Variants in SH3BP4 observed in about 807,000 individuals in gnomAD.
SH3BP4 encodes SH3 domain binding protein 4, also known as SH3 domain-binding protein 4.
Under a neutral mutation model 65.5 loss-of-function variants are expected in SH3BP4, and 33 were observed. The observed-to-expected ratio is 0.50, with a 90% CI of 0.38 to 0.67. The LOEUF (loss-of-function observed/expected upper bound fraction) is 0.67. Ranked by LOEUF, SH3BP4 falls within the 30% of genes least tolerant of loss-of-function variation. SH3BP4 has a pLI of 0.00. For synonymous variants in SH3BP4, 552 were observed against 545.5 expected (o/e 1.01, Z -0.17); for missense variants, 1,134 against 1,261.4 (o/e 0.90, Z 1.53).
chr2:235,053,473 AAG>A (rs1408269134), intron 5 of SH3BP4, 117 bp from the exon 6 acceptor site: 1 of 725,802 alleles, frequency 1.4e-6, no homozygotes, highest in African/African-American at 1.8e-5. Context: ...TCACTCGTGA[AAG>A]AGTGTCCCAA....
intron 1 of SH3BP4, among the ~76,000 whole-genome samples, chr2:234,989,685 C>T (rs1693690224): frequency 6.6e-6 from 1 of 152,190 alleles, no homozygotes; most frequent in South Asian, 2.1e-4. Context: ...GGGCTCTGTG[C>T]AACTTAGGTA....
At position 235,053,762 on chromosome 2, in the gene SH3BP4, C is replaced by A; in HGVS notation, c.2838C>A (p.Asp946Glu). 1 of 1,614,256 alleles carries A rather than the reference C, an allele frequency of 6.2e-7. No homozygotes were observed. Among genetic ancestry groups the A allele is most frequent in the Non-Finnish European group, 8.5e-7 (1 of 1,180,052 alleles). Reference sequence around the variant, plus strand: ...CTCTGATCTTGGTGAACTCCCTGGACGTTCTGAGAGCAGCCGCCTTCAGCC... The same window carrying A: ...CTCTGATCTTGGTGAACTCCCTGGAAGTTCTGAGAGCAGCCGCCTTCAGCC... ...TGTLILVNSLDVLRAAAFSPA... is the reference protein window; with the variant it reads ...TGTLILVNSLEVLRAAAFSPA... Residue 946 changes from aspartate to glutamate, a missense_variant, in exon 6 of 6, where the codon GAC becomes GAA. Physicochemically the swap from Asp to Glu is conservative, Grantham distance 45. Coordinates refer to ENST00000392011, the MANE Select transcript of SH3BP4 (RefSeq NM_014521.3).
At chr2:235,048,554 G>T (rs547592929) in intron 4 of SH3BP4, among the ~76,000 whole-genome samples, 2 of 151,724 alleles carry the variant, frequency 1.3e-5, no homozygotes, top group African/African-American at 4.8e-5. Context: ...GCCCAGGCCG[G>T]TGTGGAACTC....
intron 1 of SH3BP4, among the ~76,000 whole-genome samples, chr2:234,956,618 A>G (rs912616785): frequency 1.1e-4 from 16 of 151,028 alleles, no homozygotes; most frequent in African/African-American, 3.2e-4. Context: ...CAGTGGCTCA[A>G]TCATAGCTCA....
At position 235,052,823 on chromosome 2, in the gene SH3BP4, C is replaced by T; in HGVS notation, c.2667+73C>T. ...GTTCCGTGGACCCATGCAGTGCAGC[C>T]ATAAAAAGTCTTGCCTCGCGGCATT... On this transcript the variant is annotated intron_variant, in intron 5 of 5. Coordinates refer to ENST00000392011, the MANE Select transcript of SH3BP4 (RefSeq NM_014521.3). This position sits in a 1 kb window ranked among gnomAD's most constrained non-coding sequence, Gnocchi z 5.0. 1.4e-6 allele frequency: 2 copies of T among 1,389,034 alleles called. No individual in the cohort carries two copies. Among genetic ancestry groups the T allele is most frequent in the Non-Finnish European group, 1.9e-6 (2 of 1,037,226 alleles). The allele number at this position is 1,389,034 out of a possible 1,614,324, so 86.0% of individuals were successfully genotyped here.
rs182471763 is a variant in SH3BP4, at chr2:235,034,418, C to T, written c.-132-453C>T. 3.4e-4 allele frequency among the ~76,000 whole-genome samples: 51 copies of T among 152,208 alleles called. No individual in the cohort carries two copies. Among genetic ancestry groups the T allele is most frequent in the East Asian group, 9.7e-4 (5 of 5,174 alleles). On this transcript the variant is annotated intron_variant, in intron 2 of 5. Transcript: ENST00000392011. This position sits in a 1 kb window ranked among gnomAD's most constrained non-coding sequence, Gnocchi z 6.2. ...GCTGTGTTCATTGATGGCTGCTTCC[C>T]GGGGCCGAGTCACCATGATGACTGC...
intron 1 of SH3BP4, among the ~76,000 whole-genome samples, chr2:234,994,148 C>G (rs1693840710): frequency 6.6e-6 from 1 of 152,144 alleles, no homozygotes; most frequent in South Asian, 2.1e-4. Flanking sequence ...CTCCCTCTTC[C>G]CCTCCACACC....
chr2:235,027,845 G>A (rs1390780947), intron 2 of SH3BP4, among the ~76,000 whole-genome samples: 1 of 152,204 alleles, frequency 6.6e-6, no homozygotes, highest in Non-Finnish European at 1.5e-5. Flanking sequence ...CCCCAGACAT[G>A]CTCTCGTTAG....
chr2:235,007,146 G>C (rs1285768941), intron 2 of SH3BP4, among the ~76,000 whole-genome samples: 1 of 151,974 alleles, frequency 6.6e-6, no homozygotes, highest in Non-Finnish European at 1.5e-5. Context: ...AGGGGAGGGA[G>C]TGGAGGCAGT....
At chr2:234,962,793 T>A (rs1433099610) in intron 1 of SH3BP4, among the ~76,000 whole-genome samples, 2 of 152,058 alleles carry the variant, frequency 1.3e-5, no homozygotes, top group African/African-American at 4.8e-5. Flanking sequence ...TGATGTAATC[T>A]CAGTTGACTG....
chr2:235,013,948 G>A (rs928152756), intron 2 of SH3BP4, among the ~76,000 whole-genome samples: 1 of 152,076 alleles, frequency 6.6e-6, no homozygotes, highest in African/African-American at 2.4e-5. Context: ...GATTTCAGAT[G>A]CAAATGATTA....
intron 3 of SH3BP4, among the ~76,000 whole-genome samples, chr2:235,036,758 T>TAATAATAATAATAATAATAATAATAAC (rs60011598): frequency 6.7e-6 from 1 of 150,212 alleles, no homozygotes; most frequent in African/African-American, 2.5e-5. Flanking sequence ...ATAATAATAA[T>TAATAATAATAATAATAATAATAATAAC]GACAGTGCTC....
chr2:235,004,664 GAC>G (rs1292704948), intron 2 of SH3BP4, among the ~76,000 whole-genome samples: 1 of 152,112 alleles, frequency 6.6e-6, no homozygotes, highest in African/African-American at 2.4e-5. Flanking sequence ...TTTCACTGCA[GAC>G]TGTTTCCAGG....
rs1695662994 is a variant in SH3BP4, at chr2:235,041,895, C to T, written c.1126C>T (p.Pro376Ser). Residue 376 changes from proline (P) to serine (S), a missense_variant, in exon 4 of 6, where the codon CCT becomes TCT. Pro to Ser is a moderately conservative substitution (Grantham distance 74, BLOSUM62 -1). Coordinates refer to ENST00000392011, the MANE Select transcript of SH3BP4 (RefSeq NM_014521.3). The surrounding 1 kb of genome is among the most constrained non-coding windows in gnomAD (Gnocchi z 6.0). The part of the protein sequence containing the change: ...LNSDRSCSIS[P>S]VLEVKLSNLE... ...CAGTGACAGGTCCTGCAGCATCAGC[C>T]CTGTGCTGGAGGTCAAGCTGAGCAA... The T allele has an allele frequency of 6.2e-7, 1 of 1,613,266 alleles. No individual in the cohort carries two copies. Among genetic ancestry groups the T allele is most frequent in the Non-Finnish European group, 8.5e-7 (1 of 1,179,732 alleles).
chr2:234,962,464 A>T (rs1692736634), intron 1 of SH3BP4, among the ~76,000 whole-genome samples: 1 of 152,098 alleles, frequency 6.6e-6, no homozygotes, highest in South Asian at 2.1e-4. Flanking sequence ...AAATAATAAT[A>T]AAAAAACCTT....
At chr2:235,020,211 T>C (rs947104798) in intron 2 of SH3BP4, among the ~76,000 whole-genome samples, 46 of 152,154 alleles carry the variant, frequency 3.0e-4, no homozygotes, top group African/African-American at 1.0e-3. Context: ...ATAAGTGACT[T>C]CTTGACCAGG....
Position 235,042,977 on chromosome 2 carries a change from C to T in SH3BP4, c.2208C>T (p.Ser736=), listed in dbSNP as rs774900227. The T allele has an allele frequency of 7.4e-6, 12 of 1,612,334 alleles. No individual in the cohort carries two copies. The South Asian group carries it at 1.2e-4, about 16-fold the overall frequency. ...GCCTGTGCTCGGGCCCCGAGCTGAG[C>T]ACCTCGGTGCTGCTGGAGCAGATCC... ...RPSLCSGPEL[S]TSVLLEQILR... is the part of the protein sequence containing the mutation. The change falls in exon 4 of 6, where the codon AGC becomes AGT. Residue 736 remains serine (S), a synonymous_variant. Coordinates refer to ENST00000392011, the MANE Select transcript of SH3BP4 (RefSeq NM_014521.3). The surrounding 1 kb of genome is among the most constrained non-coding windows in gnomAD (Gnocchi z 7.3).
intron 3 of SH3BP4, among the ~76,000 whole-genome samples, chr2:235,036,378 C>T (rs1378374049): frequency 1.3e-5 from 2 of 152,134 alleles, no homozygotes; most frequent in Non-Finnish European, 2.9e-5. Flanking sequence ...AGAGTCAAAG[C>T]TGGAACTTGT....
In SH3BP4 at chr2:235,054,654, G is replaced by T. The variant is rs1052947767; in HGVS notation, c.*838G>T. On this transcript the variant is annotated 3_prime_UTR_variant, in exon 6 of 6. Coordinates refer to ENST00000392011, the MANE Select transcript of SH3BP4 (RefSeq NM_014521.3). ...AACAATGCCATTTGAGAGTGAGGTG[G>T]TCCCTGCTGCTACGAGGCCATTGTA... 1.3e-5 allele frequency: 2 copies of T among 152,220 alleles called. No individual in the cohort carries two copies. The highest frequency in any genetic ancestry group is 1.3e-4 in the Admixed American group (2 of 15,286). 9.4% of individuals were successfully genotyped at this position (152,220 alleles called of 1,614,324 possible). A position where few individuals can be genotyped will look rare whatever the true frequency, so the allele number is the denominator to read the frequency against.
Sources: gnomAD v4.1 joint callset for allele counts (sites outside exome capture counted in the v4.1 genomes callset) on GRCh38, gnomAD v4.1.1 for gene constraint, Gnocchi (gnomAD v3.1) non-coding constraint, MANE v1.5 for transcripts, NCBI Gene and HGNC (gene_info 2026-07-23, HGNC 2026-07-21) for gene names.